The following GALNT13 variants were observed in gnomAD, a reference collection of about 807,000 sequenced individuals.
The protein encoded by GALNT13 is polypeptide N-acetylgalactosaminyltransferase 13, also known as UDP-GalNAc:polypeptide N-acetylgalactosaminyltransferase 13.
Under a neutral mutation model 64.2 loss-of-function variants are expected in GALNT13, and 28 were observed. That is an observed-to-expected ratio of 0.44 (90% CI 0.32 to 0.60). The LOEUF (loss-of-function observed/expected upper bound fraction) is 0.60, where lower values mean the gene tolerates loss of function less well. Ranked by LOEUF, GALNT13 falls within the 20% of genes least tolerant of loss-of-function variation. The pLI, the probability that GALNT13 is intolerant of heterozygous loss-of-function variation, is 0.05. For missense variants in GALNT13, 577 were observed against 669.8 expected, an observed-to-expected ratio of 0.86 and a Z score of 1.53; for synonymous variants, 214 against 224.6, an observed-to-expected ratio of 0.95 and a Z score of 0.42.
intron 4 of GALNT13, among the ~76,000 whole-genome samples, chr2:154,151,492 T>G (rs1362425369): frequency 6.6e-6 from 1 of 152,122 alleles, no homozygotes; most frequent in Non-Finnish European, 1.5e-5. Context: ...CCTTGTTAAC[T>G]TTCTGTCTCG....
At chr2:153,816,898 C>T in the GALNT13 span, among the ~76,000 whole-genome samples, 1 of 152,264 alleles carries the variant, frequency 6.6e-6, no homozygotes, top group East Asian at 1.9e-4. Context: ...GAAGCAAGGT[C>T]ACACGTTATG....
Position 153,873,838 on chromosome 2 carries a change from C to CT in GALNT13, c.-177+1540dup, listed in dbSNP as rs569362817. On this transcript the variant is annotated intron_variant, in intron 1 of 12. Transcript: ENST00000392825. ...CGTCTCTCTCTCTTTCTCTCTCTCT[C>CT]TTTTTCTGTGTCTCTCTCTCTCGCT... is the stretch of plus-strand genomic sequence containing the variant. Among the ~76,000 whole-genome samples the CT allele has an allele frequency of 5.3e-5, 8 of 151,924 alleles. No homozygotes were observed. In the South Asian group the frequency reaches 1.0e-3, roughly 20 times the overall value.
At chr2:153,488,329 G>A in the GALNT13 span, among the ~76,000 whole-genome samples, 5 of 152,108 alleles carry the variant, frequency 3.3e-5, no homozygotes, top group African/African-American at 4.8e-5. Flanking sequence ...TGTCACATTC[G>A]CACACACTGA....
intron 4 of GALNT13, among the ~76,000 whole-genome samples, chr2:154,160,306 G>T (rs1355025516): frequency 6.6e-6 from 1 of 152,078 alleles, no homozygotes; most frequent in Non-Finnish European, 1.5e-5. Flanking sequence ...ACTCCCACCT[G>T]ATTTCTTTCA....
the GALNT13 span, among the ~76,000 whole-genome samples, chr2:153,458,571 C>G: frequency 6.6e-6 from 1 of 152,154 alleles, no homozygotes; most frequent in Admixed American, 6.5e-5. Context: ...GATGATGCAA[C>G]ACTTCACTTC....
chr2:153,868,638 G>A (rs966454406), upstream of GALNT13, among the ~76,000 whole-genome samples: 7 of 152,150 alleles, frequency 4.6e-5, no homozygotes, highest in Middle Eastern at 3.4e-3. Flanking sequence ...TAGAATGAGC[G>A]CCTTGGTTAA....
the GALNT13 span, among the ~76,000 whole-genome samples, chr2:153,076,275 G>A: frequency 2.6e-5 from 4 of 152,146 alleles, no homozygotes; most frequent in South Asian, 6.2e-4. Flanking sequence ...CGGTATATGC[G>A]AATTTCTTTT....
At chr2:153,655,454 A>C in the GALNT13 span, among the ~76,000 whole-genome samples, 1 of 152,062 alleles carries the variant, frequency 6.6e-6, no homozygotes, top group Non-Finnish European at 1.5e-5. Flanking sequence ...TTTTTGGCAA[A>C]ATAATGTTGA....
the GALNT13 span, among the ~76,000 whole-genome samples, chr2:153,621,683 C>G: frequency 0.27 from 41,289 of 151,974 alleles, 6,030 homozygotes; most frequent in South Asian, 0.42. Context: ...TCCCACTCTT[C>G]CCTCACCTTT....
intron 9 of GALNT13, among the ~76,000 whole-genome samples, chr2:154,362,335 A>G (rs934732975): frequency 2.3e-4 from 34 of 148,286 alleles, no homozygotes; most frequent in Non-Finnish European, 4.6e-4. Flanking sequence ...TCTGACATAC[A>G]TGACATAGAA....
chr2:153,773,589 G>C, the GALNT13 span, among the ~76,000 whole-genome samples: 1 of 151,926 alleles, frequency 6.6e-6, no homozygotes, highest in Admixed American at 6.6e-5. Context: ...CTTTTTCTAG[G>C]TTTTTTTTCT....
the GALNT13 span, chr2:153,592,761 C>T: frequency 6.6e-6 from 1 of 152,236 alleles, no homozygotes; most frequent in African/African-American, 2.4e-5. Context: ...TGCGAGTGCC[C>T]CAACTGCAGA....
At chr2:153,237,167 TATGG>T in the GALNT13 span, among the ~76,000 whole-genome samples, 3 of 152,086 alleles carry the variant, frequency 2.0e-5, no homozygotes, top group African/African-American at 7.2e-5. Context: ...AGTTGCTTCT[TATGG>T]ATGAGCAAAT....
intron 2 of GALNT13, among the ~76,000 whole-genome samples, chr2:153,905,900 C>T (rs1016211158): frequency 1.1e-4 from 16 of 151,818 alleles, no homozygotes; most frequent in Non-Finnish European, 2.2e-4. Context: ...ATCTGATAAC[C>T]GATATGGCTA....
the GALNT13 span, among the ~76,000 whole-genome samples, chr2:153,422,722 T>C: frequency 6.6e-6 from 1 of 152,006 alleles, no homozygotes; most frequent in Non-Finnish European, 1.5e-5. Flanking sequence ...TGAAAATATA[T>C]TTTTTAAGAA....
the GALNT13 span, among the ~76,000 whole-genome samples, chr2:153,663,056 GAAAAT>G: frequency 5.5e-4 from 84 of 152,174 alleles, 2 homozygotes; most frequent in East Asian, 0.014. Context: ...AAGAAGAAAA[GAAAAT>G]AACAAGGATG....
chr2:153,172,132 A>T, the GALNT13 span: 1 of 152,202 alleles, frequency 6.6e-6, no homozygotes, highest in Non-Finnish European at 1.5e-5. Flanking sequence ...AGACATATGG[A>T]TGGGAATATA....
chr2:153,581,832 A>G, the GALNT13 span, among the ~76,000 whole-genome samples: 2 of 152,122 alleles, frequency 1.3e-5, no homozygotes, highest in Non-Finnish European at 2.9e-5. Context: ...CTTTTTGCCA[A>G]AATGGGATGT....
intron 3 of GALNT13, among the ~76,000 whole-genome samples, chr2:153,969,470 T>A (rs1371133162): frequency 6.6e-6 from 1 of 152,040 alleles, no homozygotes; most frequent in Non-Finnish European, 1.5e-5. Context: ...AAGAAGAATA[T>A]AAAAGAACTT....
Sources: gnomAD v4.1 joint callset for allele counts (sites outside exome capture counted in the v4.1 genomes callset) on GRCh38, gnomAD v4.1.1 for gene constraint, MANE v1.5 for transcripts, NCBI Gene and HGNC (gene_info 2026-07-23, HGNC 2026-07-21) for gene names.